The following NRG1 variants were observed in gnomAD, a reference collection of about 807,000 sequenced individuals.
NRG1 encodes neuregulin 1.
A neutral mutation model predicts 63.8 loss-of-function variants in NRG1; 18 were observed. That is an observed-to-expected ratio of 0.28 (90% confidence interval 0.19 to 0.42). NRG1 has a LOEUF of 0.42. Ranked by LOEUF, NRG1 falls within the 10% of genes least tolerant of loss-of-function variation. The pLI is 1.00. For synonymous variants in NRG1, 302 were observed against 301.3 expected, an observed-to-expected ratio of 1.00 and a Z score of -0.02; for missense variants, 762 against 814.7, an observed-to-expected ratio of 0.94 and a Z score of 0.79.
At chr8:31,783,370 AGAT>A (rs2131623171) in intron 1 of NRG1, among the ~76,000 whole-genome samples, 1 of 152,274 alleles carries the variant, frequency 6.6e-6, no homozygotes, top group South Asian at 2.1e-4. Flanking sequence ...CATTTGCTGG[AGAT>A]GATATTTTCC....
intron 1 of NRG1, among the ~76,000 whole-genome samples, chr8:32,134,794 A>C (rs567344378): frequency 6.6e-6 from 1 of 152,164 alleles, no homozygotes; most frequent in African/African-American, 2.4e-5. Flanking sequence ...AGGTGGGAGG[A>C]TAGCTTGAGC....
At chr8:31,875,045 C>T (rs1412667335) in intron 1 of NRG1, among the ~76,000 whole-genome samples, 2 of 152,190 alleles carry the variant, frequency 1.3e-5, no homozygotes, top group Admixed American at 6.5e-5. Context: ...GCACCCTTTT[C>T]CAGGAAAACA....
intron 1 of NRG1, among the ~76,000 whole-genome samples, chr8:31,886,778 GGAAGCTACAAAGCTTCTCCAAATCTTGGA>G (rs1830749284): frequency 6.6e-6 from 1 of 151,948 alleles, no homozygotes; most frequent in African/African-American, 2.4e-5. Context: ...TGCATGCTTT[GGAAGCTACAAAGCTTCTCCAAATCTTGGA>G]GAAGCAACAC....
At chr8:32,715,950 G>C (rs1358866832) in intron 5 of NRG1, among the ~76,000 whole-genome samples, 2 of 152,134 alleles carry the variant, frequency 1.3e-5, no homozygotes, top group Admixed American at 6.5e-5. Context: ...CCTAAACCAG[G>C]CCTTTTTAAA....
chr8:31,962,090 C>T (rs1404966078), intron 1 of NRG1, among the ~76,000 whole-genome samples: 1 of 151,936 alleles, frequency 6.6e-6, no homozygotes, highest in Non-Finnish European at 1.5e-5. Context: ...TTCTTCAAAC[C>T]GTGTAGAAAT....
intron 1 of NRG1, among the ~76,000 whole-genome samples, chr8:32,084,026 G>A (rs538375453): frequency 6.6e-6 from 1 of 152,076 alleles, no homozygotes; most frequent in Non-Finnish European, 1.5e-5. Context: ...CTCTTTTAGA[G>A]TTTTCCTAAT....
intron 1 of NRG1, among the ~76,000 whole-genome samples, chr8:31,834,321 A>ACG (rs1554547047): frequency 1.8e-4 from 27 of 149,896 alleles, no homozygotes; most frequent in African/African-American, 6.7e-4. Flanking sequence ...ACACACACAC[A>ACG]CACACACACG....
intron 1 of NRG1, among the ~76,000 whole-genome samples, chr8:31,936,503 A>G (rs1800929234): frequency 6.6e-6 from 1 of 152,172 alleles, no homozygotes; most frequent in African/African-American, 2.4e-5. Context: ...GCCCTTGTTT[A>G]GGGAGAACAA....
intron 1 of NRG1, among the ~76,000 whole-genome samples, chr8:31,656,988 A>C (rs1402484910): frequency 6.6e-6 from 1 of 152,238 alleles, no homozygotes; most frequent in Non-Finnish European, 1.5e-5. Context: ...CATTTTAATG[A>C]ATGGCAGTCA....
At chr8:32,500,159 G>A (rs916525413) in intron 1 of NRG1, among the ~76,000 whole-genome samples, 9 of 152,172 alleles carry the variant, frequency 5.9e-5, no homozygotes, top group African/African-American at 2.2e-4. Context: ...AATAAGTGCA[G>A]CAAGAATAGT....
intron 1 of NRG1, among the ~76,000 whole-genome samples, chr8:32,389,995 A>G (rs1248101575): frequency 6.6e-6 from 1 of 152,088 alleles, no homozygotes; most frequent in Non-Finnish European, 1.5e-5. Context: ...CCTGACTTCA[A>G]GTGATCTGTC....
intron 1 of NRG1, among the ~76,000 whole-genome samples, chr8:31,816,191 A>G: frequency 6.6e-6 from 1 of 152,206 alleles, no homozygotes; most frequent in East Asian, 1.9e-4. Flanking sequence ...CTGTCATTAT[A>G]TAACCCCTTC....
intron 1 of NRG1, among the ~76,000 whole-genome samples, chr8:31,811,490 A>G (rs1389995035): frequency 6.6e-6 from 1 of 152,186 alleles, no homozygotes; most frequent in Non-Finnish European, 1.5e-5. Context: ...CCTGGTGTCA[A>G]TAAGATTTGG....
chr8:32,703,457 C>T (rs1479859264), intron 5 of NRG1, among the ~76,000 whole-genome samples: 21 of 144,776 alleles, frequency 1.5e-4, no homozygotes, highest in African/African-American at 4.9e-4. Context: ...CTCGCTGTGT[C>T]GCTCAGGCTG....
At chr8:31,869,530 T>G (rs1465015140) in intron 1 of NRG1, among the ~76,000 whole-genome samples, 1 of 152,280 alleles carries the variant, frequency 6.6e-6, no homozygotes, top group East Asian at 1.9e-4. Context: ...ATAAACAATC[T>G]TTGGTCAAGG....
At chr8:31,777,287 G>A (rs944714677) in intron 1 of NRG1, among the ~76,000 whole-genome samples, 3 of 152,222 alleles carry the variant, frequency 2.0e-5, no homozygotes, top group African/African-American at 7.2e-5. Context: ...CAGGTAGTCT[G>A]CCAAGAACTT....
At chr8:32,356,484 C>A (rs919707269) in intron 1 of NRG1, among the ~76,000 whole-genome samples, 9 of 100,856 alleles carry the variant, frequency 8.9e-5, no homozygotes, top group East Asian at 3.7e-4. Context: ...ACCCCCCCCC[C>A]ACCCGCCGGG....
chr8:32,214,338 A>G (rs1845001376), intron 1 of NRG1, among the ~76,000 whole-genome samples: 1 of 152,240 alleles, frequency 6.6e-6, no homozygotes, highest in Non-Finnish European at 1.5e-5. Flanking sequence ...CATAGTTTTC[A>G]ACAAAGTTGG....
At chr8:31,852,514 A>C (rs1370724279) in intron 1 of NRG1, among the ~76,000 whole-genome samples, 1 of 151,444 alleles carries the variant, frequency 6.6e-6, no homozygotes, top group South Asian at 2.1e-4. Context: ...TATTAGCCCT[A>C]TGTCAGATGA....
Sources: gnomAD v4.1 joint callset for allele counts (sites outside exome capture counted in the v4.1 genomes callset) on GRCh38, gnomAD v4.1.1 for gene constraint, MANE v1.5 for transcripts, NCBI Gene and HGNC (gene_info 2026-07-23, HGNC 2026-07-21) for gene names.